The following IGSF10 variants were observed in gnomAD, a reference collection of about 807,000 sequenced individuals.
The protein encoded by IGSF10 is immunoglobulin superfamily member 10.
IGSF10 carries 126 observed loss-of-function variants against 128.2 expected under a neutral mutation model. The observed-to-expected ratio is 0.98, with a 90% confidence interval of 0.85 to 1.14. The LOEUF is 1.14. IGSF10 is among the 50% of genes most tolerant of loss of function. IGSF10 has a pLI of 0.00. For missense variants in IGSF10, 3,295 were observed against 3,149.8 expected, an observed-to-expected ratio of 1.05 and a Z score of -1.10; for synonymous variants, 1,185 against 1,146.2, an observed-to-expected ratio of 1.03 and a Z score of -0.68.
At chr3:151,441,828 A>G (rs9810389) in intron 7 of IGSF10, among the ~76,000 whole-genome samples, 68,564 of 151,642 alleles carry the variant, frequency 0.45, 16,778 homozygotes, top group South Asian at 0.61. Context: ...TTGGGAGGCT[A>G]AGGCGGGCAG....
At position 151,446,517 on chromosome 3, in the gene IGSF10, G is replaced by GT. The variant is rs1721198545; in HGVS notation, c.3463dup (p.Thr1155AsnfsTer13). The GT allele has an allele frequency of 1.2e-6, 2 of 1,614,156 alleles. No homozygotes were observed. Among genetic ancestry groups the GT allele is most frequent in the Non-Finnish European group, 1.7e-6 (2 of 1,180,018 alleles). Reference sequence around the variant, plus strand: ...TGGGTAACTGGCGTTTACTTTGTGAGTTTTTTCCATGGGTATGGATGTTGG... The same window carrying GT: ...TGGGTAACTGGCGTTTACTTTGTGAGTTTTTTTCCATGGGTATGGATGTTGG... On this transcript the variant is annotated frameshift_variant, in exon 6 of 8. Coordinates refer to ENST00000282466, the MANE Select transcript of IGSF10 (RefSeq NM_178822.5). LOFTEE classifies it high-confidence loss of function.
Position 151,437,348 on chromosome 3 carries a change from C to T in IGSF10, c.7213G>A (p.Asp2405Asn). The part of the protein sequence containing the change: ...SFIISKTTRE[D>N]AGKYRCAARN... The stretch of plus-strand genomic sequence containing the variant: ...GCTGCACAGCGATATTTTCCTGCAT[C>T]CTCCCGAGTTGTTTTAGAAATGATA... The change falls in exon 8 of 8, where the codon GAT becomes AAT. Residue 2405 changes from aspartate (D) to asparagine (N), a missense_variant. Coordinates refer to ENST00000282466, the MANE Select transcript of IGSF10 (RefSeq NM_178822.5). 6.2e-7 allele frequency: 1 copy of T among 1,614,190 alleles called. No individual in the cohort carries two copies. Among genetic ancestry groups the T allele is most frequent in the Non-Finnish European group, 8.5e-7 (1 of 1,180,042 alleles).
At chr3:151,551,523 A>T in the IGSF10 span, among the ~76,000 whole-genome samples, 1 of 152,148 alleles carries the variant, frequency 6.6e-6, no homozygotes, top group Non-Finnish European at 1.5e-5. Flanking sequence ...CTATAAGTGG[A>T]TCCATACAGT....
the IGSF10 span, among the ~76,000 whole-genome samples, chr3:151,574,015 T>G: frequency 6.6e-6 from 1 of 151,622 alleles, no homozygotes; most frequent in African/African-American, 2.4e-5. Context: ...ATATGAAAAT[T>G]CTTTTCTTTA....
the IGSF10 span, among the ~76,000 whole-genome samples, chr3:151,603,039 C>A: frequency 6.6e-6 from 1 of 152,176 alleles, no homozygotes; most frequent in African/African-American, 2.4e-5. Context: ...AAACAAAAAT[C>A]AAATCTAGTC....
chr3:151,452,941 A>T (rs1409412628), intron 5 of IGSF10, among the ~76,000 whole-genome samples: 1 of 151,958 alleles, frequency 6.6e-6, no homozygotes, highest in African/African-American at 2.4e-5. Context: ...AGGTACGAGG[A>T]GGTAAAACAG....
chr3:151,499,039 TA>T, the IGSF10 span, among the ~76,000 whole-genome samples: 26 of 152,268 alleles, frequency 1.7e-4, no homozygotes, highest in African/African-American at 6.0e-4. Flanking sequence ...CATTTACATT[TA>T]AAGTGATAGC....
downstream of IGSF10, chr3:151,432,716 G>A (rs1431097583): frequency 1.3e-6 from 2 of 1,552,368 alleles, no homozygotes; most frequent in Non-Finnish European, 1.8e-6. Flanking sequence ...ATAGTTTTGT[G>A]TCTGTAATTT....
intron 7 of IGSF10, among the ~76,000 whole-genome samples, chr3:151,439,688 A>G (rs939814893): frequency 1.3e-5 from 2 of 152,248 alleles, no homozygotes; most frequent in African/African-American, 4.8e-5. Flanking sequence ...TCTGCCCTCT[A>G]TGGGCAGCTG....
At chr3:151,513,912 A>G in the IGSF10 span, among the ~76,000 whole-genome samples, 1 of 152,190 alleles carries the variant, frequency 6.6e-6, no homozygotes, top group Non-Finnish European at 1.5e-5. Context: ...TCCAACTTAC[A>G]AGGAATGTGA....
At chr3:151,523,258 T>C in the IGSF10 span, among the ~76,000 whole-genome samples, 2 of 152,196 alleles carry the variant, frequency 1.3e-5, no homozygotes, top group African/African-American at 4.8e-5. Context: ...AACTCATAGG[T>C]TCAATGCTAT....
the IGSF10 span, among the ~76,000 whole-genome samples, chr3:151,489,812 G>A: frequency 6.6e-6 from 1 of 152,156 alleles, no homozygotes; most frequent in East Asian, 1.9e-4. Flanking sequence ...CACATACTGG[G>A]GTCTGTTGGG....
chr3:151,488,497 G>A, the IGSF10 span, among the ~76,000 whole-genome samples: 9 of 151,970 alleles, frequency 5.9e-5, no homozygotes, highest in African/African-American at 2.2e-4. Flanking sequence ...TGGAACCAAA[G>A]AAGAGCCCGC....
chr3:151,515,976 A>G, the IGSF10 span, among the ~76,000 whole-genome samples: 2 of 152,060 alleles, frequency 1.3e-5, no homozygotes, highest in African/African-American at 4.8e-5. Context: ...CTGACACTAC[A>G]TATTATGCTC....
the IGSF10 span, among the ~76,000 whole-genome samples, chr3:151,605,003 C>A: frequency 6.6e-6 from 1 of 152,098 alleles, no homozygotes; most frequent in Non-Finnish European, 1.5e-5. Context: ...GCAACTCATG[C>A]CTAATTCATC....
the IGSF10 span, among the ~76,000 whole-genome samples, chr3:151,468,375 C>A: frequency 2.6e-5 from 4 of 152,176 alleles, no homozygotes; most frequent in African/African-American, 9.7e-5. Flanking sequence ...ACAAGAAATT[C>A]TTTACCCCAA....
chr3:151,514,548 T>C, the IGSF10 span, among the ~76,000 whole-genome samples: 2 of 152,150 alleles, frequency 1.3e-5, no homozygotes, highest in Non-Finnish European at 2.9e-5. Context: ...ATTCAGGACA[T>C]AGGCATGGGG....
the IGSF10 span, among the ~76,000 whole-genome samples, chr3:151,466,671 T>C: frequency 6.6e-6 from 1 of 152,130 alleles, no homozygotes; most frequent in Non-Finnish European, 1.5e-5. Context: ...CTCCACCTCC[T>C]GGGTTCAAAT....
At chr3:151,556,751 T>C in the IGSF10 span, among the ~76,000 whole-genome samples, 5 of 152,110 alleles carry the variant, frequency 3.3e-5, no homozygotes, top group African/African-American at 9.7e-5. Context: ...ATTAAAGATG[T>C]AGAGAAGCTT....
Sources: allele counts gnomAD v4.1 joint callset (sites outside exome capture counted in the v4.1 genomes callset), GRCh38; gene constraint gnomAD v4.1.1; transcripts MANE v1.5; gene names NCBI Gene and HGNC (gene_info 2026-07-23, HGNC 2026-07-21).